The following LRRC37A2 variants were observed in gnomAD, a reference collection of about 807,000 sequenced individuals.
The protein encoded by LRRC37A2 is leucine-rich repeat-containing protein 37A2.
Under a neutral mutation model 68.8 loss-of-function variants are expected in LRRC37A2, and 9 were observed. That is an observed-to-expected ratio of 0.13 (90% CI 0.08 to 0.23). LRRC37A2 has a LOEUF of 0.23. LRRC37A2 is among the 10% of genes least tolerant of loss of function. LRRC37A2 has a pLI of 1.00. For missense variants in LRRC37A2, 168 were observed against 950.4 expected (o/e 0.18, Z 10.82); for synonymous variants, 63 against 367.6 (o/e 0.17, Z 9.48).
At chr17:46,767,359 CTGTCAGGATA>C in the LRRC37A2 span, among the ~76,000 whole-genome samples, 3 of 152,218 alleles carry the variant, frequency 2.0e-5, no homozygotes, top group Non-Finnish European at 1.5e-5. Flanking sequence ...AGCTTCAGAT[CTGTCAGGATA>C]TGGGCTTATA....
At chr17:46,970,277 A>C in the LRRC37A2 span, among the ~76,000 whole-genome samples, 1 of 152,176 alleles carries the variant, frequency 6.6e-6, no homozygotes, top group Non-Finnish European at 1.5e-5. Flanking sequence ...GCGGTGGCTC[A>C]CGCCTGTAAT....
the LRRC37A2 span, among the ~76,000 whole-genome samples, chr17:46,752,630 A>T: frequency 6.6e-6 from 1 of 151,922 alleles, no homozygotes; most frequent in South Asian, 2.1e-4. Flanking sequence ...TAATTTTTGT[A>T]TTTTTTGTAG....
the LRRC37A2 span, chr17:46,872,788 TA>T: frequency 6.5e-7 from 1 of 1,537,388 alleles, no homozygotes; most frequent in Non-Finnish European, 8.9e-7. Context: ...GGAGGAGGGC[TA>T]GGGGACGGGG....
At chr17:46,842,097 C>G in the LRRC37A2 span, among the ~76,000 whole-genome samples, 1 of 152,238 alleles carries the variant, frequency 6.6e-6, no homozygotes, top group Non-Finnish European at 1.5e-5. Flanking sequence ...TCTCCCACCA[C>G]TTGCCTTCTC....
the LRRC37A2 span, among the ~76,000 whole-genome samples, chr17:46,794,752 C>CT: frequency 0.02 from 2,610 of 129,254 alleles, 73 homozygotes; most frequent in African/African-American, 0.057. Context: ...CTTTCTTTTT[C>CT]TTTTTTTTTT....
chr17:46,788,683 C>A, the LRRC37A2 span, among the ~76,000 whole-genome samples: 6 of 152,332 alleles, frequency 3.9e-5, no homozygotes, highest in South Asian at 1.2e-3. Context: ...AGGAGGGATT[C>A]TTTCACTCGT....
chr17:46,811,551 G>A, the LRRC37A2 span, among the ~76,000 whole-genome samples: 1 of 152,112 alleles, frequency 6.6e-6, no homozygotes. Flanking sequence ...AGCCCCCATG[G>A]CCCACTGAGA....
chr17:47,016,934 TCCCACCCTAC>T, the LRRC37A2 span, among the ~76,000 whole-genome samples: 2 of 89,126 alleles, frequency 2.2e-5, no homozygotes, highest in African/African-American at 3.4e-5. Flanking sequence ...CGCGCCCCCA[TCCCACCCTAC>T]CCCACCCTAC....
the LRRC37A2 span, among the ~76,000 whole-genome samples, chr17:46,890,068 A>G: frequency 1.3e-5 from 2 of 151,492 alleles, no homozygotes; most frequent in Non-Finnish European, 2.9e-5. Context: ...CTGCATCTCC[A>G]CCCCTGAGGC....
chr17:46,814,242 C>T, the LRRC37A2 span, among the ~76,000 whole-genome samples: 1 of 152,228 alleles, frequency 6.6e-6, no homozygotes, highest in East Asian at 1.9e-4. Flanking sequence ...TCCCTGAGAG[C>T]GTCCCCTTCC....
At chr17:47,047,922 C>T in the LRRC37A2 span, among the ~76,000 whole-genome samples, 1 of 151,248 alleles carries the variant, frequency 6.6e-6, no homozygotes, top group African/African-American at 2.4e-5. Context: ...GCATCAACTT[C>T]ATGACTTCTA....
At chr17:47,012,204 A>G in the LRRC37A2 span, among the ~76,000 whole-genome samples, 2 of 152,306 alleles carry the variant, frequency 1.3e-5, no homozygotes, top group African/African-American at 2.4e-5. Flanking sequence ...CACACTATGT[A>G]TCTTTTTGTC....
chr17:46,991,966 T>C, the LRRC37A2 span, among the ~76,000 whole-genome samples: 2 of 152,214 alleles, frequency 1.3e-5, no homozygotes, highest in African/African-American at 2.4e-5. Context: ...TACTTCCTGG[T>C]TTATAATGAT....
At chr17:46,875,120 C>G in the LRRC37A2 span, 1 of 1,613,886 alleles carries the variant, frequency 6.2e-7, no homozygotes, top group Non-Finnish European at 8.5e-7. Flanking sequence ...AGACAGCTTT[C>G]CTGTACGCGG....
At chr17:47,002,670 A>G in the LRRC37A2 span, among the ~76,000 whole-genome samples, 39 of 152,200 alleles carry the variant, frequency 2.6e-4, no homozygotes, top group East Asian at 2.9e-3. Flanking sequence ...GATTACAGGC[A>G]TGAGCCACCA....
chr17:46,690,636 T>TAG, the LRRC37A2 span, among the ~76,000 whole-genome samples: 15 of 130,894 alleles, frequency 1.1e-4, no homozygotes, highest in African/African-American at 4.1e-4. Flanking sequence ...TATATATATA[T>TAG]ATATATTGTA....
At chr17:46,552,837 C>T (rs1259577219) in intron 11 of LRRC37A2, 1 of 145,232 alleles carries the variant, frequency 6.9e-6, no homozygotes, top group Non-Finnish European at 1.4e-5. Flanking sequence ...ACTTGTAATC[C>T]CAACACATTG....
the LRRC37A2 span, among the ~76,000 whole-genome samples, chr17:46,922,483 A>C: frequency 6.6e-6 from 1 of 152,140 alleles, no homozygotes; most frequent in South Asian, 2.1e-4. Flanking sequence ...AAAGTATAAT[A>C]ATAAAAAATA....
At chr17:46,997,032 A>G in the LRRC37A2 span, among the ~76,000 whole-genome samples, 2 of 152,188 alleles carry the variant, frequency 1.3e-5, no homozygotes, top group East Asian at 3.8e-4. Context: ...CTAATAAATG[A>G]AGACAGGATG....
Sources: allele counts gnomAD v4.1 joint callset (sites outside exome capture counted in the v4.1 genomes callset), GRCh38; gene constraint gnomAD v4.1.1; transcripts MANE v1.5; gene names NCBI Gene and HGNC (gene_info 2026-07-23, HGNC 2026-07-21).